The following HAPSTR1 variants were observed in gnomAD, a reference collection of about 807,000 sequenced individuals.
HAPSTR1 encodes HUWE1-associated protein modifying stress responses 1.
chr16:9,103,157 C>T, the HAPSTR1 span: 1 of 1,614,144 alleles, frequency 6.2e-7, no homozygotes, highest in Non-Finnish European at 8.5e-7. Context: ...TAGAGCTCCC[C>T]CAAGACTGAC....
At chr16:9,120,237 T>G in the HAPSTR1 span, 1 of 152,212 alleles carries the variant, frequency 6.6e-6, no homozygotes, top group South Asian at 2.1e-4. Context: ...ACCCCTTGTT[T>G]AAAGTTATAA....
At chr16:9,091,825 G>T in the HAPSTR1 span, 450 of 393,746 alleles carry the variant, frequency 1.1e-3, 1 homozygote, top group South Asian at 9.4e-3. Context: ...CGGGCCCGGG[G>T]GTGGGAAGGC....
At chr16:9,117,315 A>T in the HAPSTR1 span, 1 of 185,374 alleles carries the variant, frequency 5.4e-6, no homozygotes, top group African/African-American at 2.4e-5. Context: ...CTTCAACAGT[A>T]TTGCCAGGTT....
chr16:9,114,659 G>A, the HAPSTR1 span, among the ~76,000 whole-genome samples: 1 of 152,318 alleles, frequency 6.6e-6, no homozygotes, highest in South Asian at 2.1e-4. Flanking sequence ...AGGCCTAAGA[G>A]GCAGGCTGGC....
At chr16:9,115,327 G>GA in the HAPSTR1 span, among the ~76,000 whole-genome samples, 1 of 152,172 alleles carries the variant, frequency 6.6e-6, no homozygotes, top group Non-Finnish European at 1.5e-5. Flanking sequence ...AAGCTTACTT[G>GA]AAAATCTTAT....
At chr16:9,119,447 T>C in the HAPSTR1 span, 2 of 152,264 alleles carry the variant, frequency 1.3e-5, no homozygotes, top group Non-Finnish European at 2.9e-5. Flanking sequence ...TCTCTGATTC[T>C]TTTAGACGTC....
chr16:9,094,346 G>A, the HAPSTR1 span, among the ~76,000 whole-genome samples: 1 of 152,208 alleles, frequency 6.6e-6, no homozygotes, highest in South Asian at 2.1e-4. Flanking sequence ...ACATCTATCA[G>A]TGCTGACGGT....
At chr16:9,100,518 G>A in the HAPSTR1 span, among the ~76,000 whole-genome samples, 168 of 151,792 alleles carry the variant, frequency 1.1e-3, no homozygotes, top group African/African-American at 3.9e-3. Context: ...TTTGCCAGGT[G>A]TATGTTTACA....
the HAPSTR1 span, among the ~76,000 whole-genome samples, chr16:9,100,806 A>AT: frequency 5.0e-3 from 764 of 152,158 alleles, 5 homozygotes; most frequent in African/African-American, 0.017. Context: ...AAGTGCTAGG[A>AT]TTACAGGCAT....
chr16:9,096,875 G>A, the HAPSTR1 span, among the ~76,000 whole-genome samples: 84 of 152,156 alleles, frequency 5.5e-4, no homozygotes, highest in Non-Finnish European at 7.7e-4. Context: ...TTTGTCAGAA[G>A]CAGTAGCCTC....
chr16:9,105,505 TAAAG>T, the HAPSTR1 span: 1 of 152,206 alleles, frequency 6.6e-6, no homozygotes, highest in Non-Finnish European at 1.5e-5. Context: ...TTTGAATATT[TAAAG>T]AAAGTAATTT....
At chr16:9,104,932 T>C in the HAPSTR1 span, 1 of 152,256 alleles carries the variant, frequency 6.6e-6, no homozygotes, top group Non-Finnish European at 1.5e-5. Context: ...TTGTGGGTCA[T>C]TCCATGCTTC....
chr16:9,092,361 C>T, the HAPSTR1 span: 4 of 1,143,952 alleles, frequency 3.5e-6, no homozygotes, highest in East Asian at 1.0e-4. Flanking sequence ...CTTCGGGGGG[C>T]CGCGACGGCG....
the HAPSTR1 span, among the ~76,000 whole-genome samples, chr16:9,100,594 C>T: frequency 9.9e-5 from 15 of 152,068 alleles, 1 homozygote; most frequent in Non-Finnish European, 5.9e-5. Context: ...AGTGAAGTGG[C>T]GCATTCTTGG....
the HAPSTR1 span, among the ~76,000 whole-genome samples, chr16:9,101,741 GAT>G: frequency 2.6e-5 from 3 of 113,706 alleles, no homozygotes; most frequent in East Asian, 2.3e-4. Flanking sequence ...ATGTCTGGAT[GAT>G]TTTTTTTTTT....
the HAPSTR1 span, chr16:9,110,044 A>G: frequency 6.6e-6 from 1 of 152,170 alleles, no homozygotes; most frequent in Non-Finnish European, 1.5e-5. Context: ...CTCCTCAAGC[A>G]ATTTCTGGCC....
chr16:9,112,559 G>A, the HAPSTR1 span: 1 of 152,316 alleles, frequency 6.6e-6, no homozygotes, highest in Non-Finnish European at 1.5e-5. Flanking sequence ...GACTGAGGCA[G>A]TGAGATGACT....
the HAPSTR1 span, chr16:9,108,137 TTC>T: frequency 6.6e-6 from 1 of 152,132 alleles, no homozygotes; most frequent in Non-Finnish European, 1.5e-5. Context: ...AACCTACTCT[TTC>T]AGTGTTTACT....
the HAPSTR1 span, chr16:9,105,130 G>C: frequency 0.5 from 76,721 of 152,046 alleles, 21,110 homozygotes; most frequent in African/African-American, 0.73. Flanking sequence ...TATTGAATCT[G>C]TTCCACCTGT....
Sources: gnomAD v4.1 joint callset for allele counts (sites outside exome capture counted in the v4.1 genomes callset) on GRCh38, gnomAD v4.1.1 for gene constraint, MANE v1.5 for transcripts, NCBI Gene and HGNC (gene_info 2026-07-23, HGNC 2026-07-21) for gene names.